Variants in EYS observed in about 807,000 individuals in gnomAD.
The protein encoded by EYS is EGF-like photoreceptor maintenance factor.
In EYS, 250 loss-of-function variants were observed where a neutral mutation model predicts 282.1. The ratio of observed to expected loss-of-function variants is 0.89; its 90% CI spans 0.80 to 0.98. The LOEUF is 0.98. Ranked by LOEUF, EYS falls within the 50% of genes least tolerant of loss-of-function variation. EYS has a pLI of 0.00. For synonymous variants in EYS, 1,355 were observed against 1,282.9 expected, an observed-to-expected ratio of 1.06 and a Z score of -1.20; for missense variants, 4,016 against 3,709.0, an observed-to-expected ratio of 1.08 and a Z score of -2.15.
At chr6:65,290,501 T>C (rs1311156545) in intron 12 of EYS, among the ~76,000 whole-genome samples, 1 of 151,296 alleles carries the variant, frequency 6.6e-6, no homozygotes, top group Non-Finnish European at 1.5e-5. Context: ...TAAATGTGAA[T>C]ATTATAAGTA....
chr6:64,246,014 G>T (rs1767002845), intron 30 of EYS, among the ~76,000 whole-genome samples: 1 of 24,970 alleles, frequency 4.0e-5, no homozygotes, highest in African/African-American at 1.6e-4. Context: ...GCGAAACTCC[G>T]TCTCAAAAAA....
chr6:64,230,503 T>C, intron 31 of EYS, 89 bp downstream of exon 31: 1 of 816,774 alleles, frequency 1.2e-6, no homozygotes, highest in South Asian at 1.8e-5. Context: ...CTAGTACCCA[T>C]CACTAAGTTT....
At chr6:65,319,229 A>G (rs1769403480) in intron 11 of EYS, among the ~76,000 whole-genome samples, 1 of 143,996 alleles carries the variant, frequency 6.9e-6, no homozygotes. Flanking sequence ...AAAAAAAAAC[A>G]ATTAGCCGGG....
intron 18 of EYS, among the ~76,000 whole-genome samples, chr6:64,900,916 A>G (rs531399957): frequency 6.6e-6 from 1 of 152,304 alleles, no homozygotes; most frequent in East Asian, 1.9e-4. Context: ...ATTATAAATC[A>G]TTCTACTATA....
intron 30 of EYS, among the ~76,000 whole-genome samples, chr6:64,234,687 C>G (rs1006590677): frequency 6.6e-6 from 1 of 152,156 alleles, no homozygotes; most frequent in Non-Finnish European, 1.5e-5. Context: ...TTTCCCTTAA[C>G]AGCCACTCTC....
At chr6:65,592,241 G>A (rs1712838629) in intron 2 of EYS, among the ~76,000 whole-genome samples, 1 of 151,886 alleles carries the variant, frequency 6.6e-6, no homozygotes, top group South Asian at 2.1e-4. Context: ...AGCATTCAGA[G>A]TAAAAGGCAA....
intron 31 of EYS, among the ~76,000 whole-genome samples, chr6:64,208,227 C>A (rs959720929): frequency 1.3e-5 from 2 of 151,998 alleles, no homozygotes; most frequent in East Asian, 3.9e-4. Flanking sequence ...ATTATATAAC[C>A]GGTATTTATA....
intron 19 of EYS, among the ~76,000 whole-genome samples, chr6:64,828,341 G>A (rs1232550389): frequency 6.6e-6 from 1 of 152,070 alleles, no homozygotes; most frequent in Admixed American, 6.6e-5. Flanking sequence ...GGAGAAATAT[G>A]TAAAGAGATA....
intron 12 of EYS, among the ~76,000 whole-genome samples, chr6:65,286,507 C>G (rs1237063701): frequency 1.3e-5 from 2 of 151,672 alleles, no homozygotes; most frequent in Non-Finnish European, 3.0e-5. Context: ...AAATCAGGAC[C>G]TGTAACCCAC....
chr6:64,859,240 A>C, intron 19 of EYS, among the ~76,000 whole-genome samples: 1 of 147,744 alleles, frequency 6.8e-6, no homozygotes, highest in Non-Finnish European at 1.5e-5. Context: ...ATATTTATTA[A>C]ATATATTAAT....
Position 65,034,112 on chromosome 6 carries a change from C to G in EYS, c.2137+23502G>C, listed in dbSNP as rs150851371. Among the ~76,000 whole-genome samples, 90 of 152,302 alleles carry G rather than the reference C, an allele frequency of 5.9e-4. 2 individuals are homozygous for G. The East Asian group carries it at 0.017, about 29-fold the overall frequency. Reference sequence around the variant, plus strand: ...TGAACTTGCACGGGGCCTGTAGCCCCTTTCTTTTGGCTAATTTCTCCCCTT... The same window carrying G: ...TGAACTTGCACGGGGCCTGTAGCCCGTTTCTTTTGGCTAATTTCTCCCCTT... On this transcript the variant is annotated intron_variant, in intron 13 of 42. Coordinates refer to ENST00000503581, the MANE Select transcript of EYS (RefSeq NM_001142800.2).
chr6:65,574,894 G>T (rs1764603416), intron 2 of EYS, among the ~76,000 whole-genome samples: 1 of 152,088 alleles, frequency 6.6e-6, no homozygotes, highest in African/African-American at 2.4e-5. Flanking sequence ...ACAAATTTAA[G>T]AAGATTGAAA....
intron 14 of EYS, among the ~76,000 whole-genome samples, chr6:64,949,293 C>G (rs1354515989): frequency 6.6e-6 from 1 of 151,890 alleles, no homozygotes; most frequent in Non-Finnish European, 1.5e-5. Context: ...AAGGTATTGA[C>G]TGGGATGTGA....
chr6:64,333,416 G>A (rs1770713693), intron 29 of EYS, among the ~76,000 whole-genome samples: 2 of 152,118 alleles, frequency 1.3e-5, no homozygotes, highest in African/African-American at 2.4e-5. Flanking sequence ...CAGCAGCAGA[G>A]CCACCAAGGC....
intron 36 of EYS, among the ~76,000 whole-genome samples, chr6:63,812,977 A>T (rs958124623): frequency 6.6e-6 from 1 of 151,988 alleles, no homozygotes; most frequent in Non-Finnish European, 1.5e-5. Flanking sequence ...AAATCAGTTT[A>T]TTTTTTATTT....
At chr6:64,328,066 T>G (rs1435929769) in intron 29 of EYS, among the ~76,000 whole-genome samples, 3 of 152,220 alleles carry the variant, frequency 2.0e-5, no homozygotes, top group African/African-American at 7.2e-5. Context: ...AGAATGGCTC[T>G]TAATTTATCA....
At chr6:65,290,759 A>G (rs1002228071) in intron 12 of EYS, among the ~76,000 whole-genome samples, 10 of 151,422 alleles carry the variant, frequency 6.6e-5, no homozygotes, top group African/African-American at 2.4e-4. Flanking sequence ...TTTAAAAATT[A>G]TGAAAGTAAA....
At chr6:64,006,594 T>C (rs758609426) in intron 33 of EYS, among the ~76,000 whole-genome samples, 3 of 152,210 alleles carry the variant, frequency 2.0e-5, no homozygotes, top group African/African-American at 7.2e-5. Flanking sequence ...TTCCATCTGG[T>C]GCCTATTCAG....
At chr6:64,646,064 G>T (rs1441683533) in intron 22 of EYS, among the ~76,000 whole-genome samples, 2 of 152,040 alleles carry the variant, frequency 1.3e-5, no homozygotes, top group African/African-American at 4.8e-5. Flanking sequence ...AATCATTTGG[G>T]GATCCTAAAT....
Sources: gnomAD v4.1 joint callset for allele counts (sites outside exome capture counted in the v4.1 genomes callset) on GRCh38, gnomAD v4.1.1 for gene constraint, MANE v1.5 for transcripts, NCBI Gene and HGNC (gene_info 2026-07-23, HGNC 2026-07-21) for gene names.